ENTPD5: variants seen among roughly 807,000 people sequenced by gnomAD.
The protein encoded by ENTPD5 is nucleoside diphosphate phosphatase ENTPD5.
In ENTPD5, 49 loss-of-function variants were observed where a neutral mutation model predicts 60.2. The ratio of observed to expected loss-of-function variants is 0.81; its 90% CI spans 0.65 to 1.03. The LOEUF is 1.03. Among genes scored for constraint, ENTPD5 ranks in the 50% least tolerant of loss-of-function variants. ENTPD5 has a pLI of 0.00. For missense variants in ENTPD5, 480 were observed against 507.6 expected (o/e 0.95, Z 0.52); for synonymous variants, 187 against 185.4 (o/e 1.01, Z -0.07).
rs1041705540 is a variant in ENTPD5, at chr14:73,964,372, ACT to A, written c.*2554_*2555del. On this transcript the variant is annotated 3_prime_UTR_variant, in exon 16 of 16. Coordinates refer to ENST00000334696, the MANE Select transcript of ENTPD5 (RefSeq NM_001249.5). ...ATGGGCGTTACAGAAAAAAATAAAA[ACT>A]CTCATTCCAAATTGCTCCTAAGATG... 6 of 152,192 alleles carry A rather than the reference ACT, an allele frequency of 3.9e-5. No individual in the cohort carries two copies. The highest frequency in any genetic ancestry group is 3.9e-4 in the East Asian group (2 of 5,182). The allele number at this position is 152,192 out of a possible 1,614,324, so 9.4% of individuals were successfully genotyped here.
intron 3 of ENTPD5, among the ~76,000 whole-genome samples, chr14:73,992,998 A>G (rs902431060): frequency 2.0e-5 from 3 of 152,184 alleles, no homozygotes; most frequent in Non-Finnish European, 2.9e-5. Flanking sequence ...GTGAGATTCT[A>G]TCTCAAAATA....
At chr14:73,970,291 A>G (rs371472476) in intron 14 of ENTPD5, among the ~76,000 whole-genome samples, 166 bp from the exon 15 acceptor site, 1 of 152,172 alleles carries the variant, frequency 6.6e-6, no homozygotes, top group African/African-American at 2.4e-5. Flanking sequence ...CAGGAGTTTG[A>G]GATCAGCCTG....
At chr14:73,983,458 AC>A (rs2057773664) in intron 5 of ENTPD5, among the ~76,000 whole-genome samples, 2 of 151,836 alleles carry the variant, frequency 1.3e-5, no homozygotes, top group Non-Finnish European at 2.9e-5. Flanking sequence ...CCCCATCTCC[AC>A]TAAAAAATAC....
Position 73,966,824 on chromosome 14 carries a change from A to G in ENTPD5, c.*104T>C. ...TAAAATTAATTAAACCTAAATCTCT[A>G]GGCTCAAGTCCAGGATGTCCCCAGA... On this transcript the variant is annotated 3_prime_UTR_variant, in exon 16 of 16. Coordinates refer to ENST00000334696, the MANE Select transcript of ENTPD5 (RefSeq NM_001249.5). The G allele has an allele frequency of 1.2e-6, 1 of 850,610 alleles. No individual in the cohort carries two copies. The highest frequency in any genetic ancestry group is 1.7e-5 in the African/African-American group (1 of 58,994). The allele number at this position is 850,610 out of a possible 1,614,324, so 52.7% of individuals were successfully genotyped here.
rs1702299622 is a variant in ENTPD5 at position 74,015,941 on chromosome 14, A to G, written c.-237-11T>C. On this transcript the variant is annotated splice_polypyrimidine_tract_variant and intron_variant, in intron 1 of 15. Coordinates refer to ENST00000334696, the MANE Select transcript of ENTPD5 (RefSeq NM_001249.5). ...CAGGAACAAGGAAAACTGGACAGAA[A>G]AAGAATTACAAAACCAAGTCAACAA... 1.3e-5 allele frequency: 2 copies of G among 152,168 alleles called. No homozygotes were observed. The highest frequency in any genetic ancestry group is 2.9e-5 in the Non-Finnish European group (2 of 68,036). 9.4% of individuals were successfully genotyped at this position (152,168 alleles called of 1,614,324 possible).
At chr14:73,983,996 A>G (rs1210502748) in intron 5 of ENTPD5, among the ~76,000 whole-genome samples, 6 of 151,364 alleles carry the variant, frequency 4.0e-5, no homozygotes, top group Non-Finnish European at 8.8e-5. Flanking sequence ...TGGCCAAATT[A>G]TTCTTTTATA....
chr14:74,017,295 G>A (rs2059045613), intron 1 of ENTPD5, among the ~76,000 whole-genome samples: 1 of 149,190 alleles, frequency 6.7e-6, no homozygotes, highest in Non-Finnish European at 1.5e-5. Context: ...TCCAGCCTGG[G>A]AAACAAGAGC....
At chr14:73,955,520 A>G (rs1336704071), downstream of ENTPD5, 4 of 1,613,202 alleles carry the variant, frequency 2.5e-6, no homozygotes, top group Non-Finnish European at 3.4e-6. Flanking sequence ...GTGCCCCTTT[A>G]TCTTTTCAAT....
At chr14:73,975,738 C>T (rs548165453) in intron 10 of ENTPD5, among the ~76,000 whole-genome samples, 198 bp downstream of exon 10, 1 of 152,092 alleles carries the variant, frequency 6.6e-6, no homozygotes, top group Non-Finnish European at 1.5e-5. Context: ...TATATTAATG[C>T]TTTTGAGGCC....
At chr14:73,991,118 T>C (rs1336565618) in intron 3 of ENTPD5, among the ~76,000 whole-genome samples, 2 of 152,140 alleles carry the variant, frequency 1.3e-5, no homozygotes, top group East Asian at 3.8e-4. Context: ...GCAACTTTTT[T>C]CCCCCTCTTT....
chr14:74,006,504 C>T (rs561813262), intron 3 of ENTPD5, among the ~76,000 whole-genome samples: 34 of 151,320 alleles, frequency 2.2e-4, no homozygotes, highest in African/African-American at 7.8e-4. Context: ...AGGATGGTCT[C>T]GATCTCCTGA....
At chr14:73,983,266 T>C (rs1201897278) in intron 5 of ENTPD5, 105 bp from the exon 6 acceptor site, 3 of 1,231,028 alleles carry the variant, frequency 2.4e-6, no homozygotes, top group Non-Finnish European at 3.3e-6. Flanking sequence ...GGAGGTGGCA[T>C]AGGGCTCCAA....
At chr14:73,959,889 A>T, downstream of ENTPD5, 1 of 1,222,394 alleles carries the variant, frequency 8.2e-7, no homozygotes, top group Non-Finnish European at 1.0e-6. Flanking sequence ...GTTTTGAGTC[A>T]GGAAAAAGGA....
rs1011312028 is a variant in ENTPD5 at position 73,988,191 on chromosome 14, A to C, written c.-70-19T>G. ...GCAGAGGCTTATAGGACAAAGACAC[A>C]CAAGTTAGACCAACTAGCTTTTTTA... On this transcript the variant is annotated intron_variant, in intron 3 of 15. Coordinates refer to ENST00000334696, the MANE Select transcript of ENTPD5 (RefSeq NM_001249.5). 1.8e-4 allele frequency: 264 copies of C among 1,487,264 alleles called. No homozygotes were observed. Among genetic ancestry groups the C allele is most frequent in the Non-Finnish European group, 2.2e-4 (251 of 1,117,944 alleles). 92.1% of individuals were successfully genotyped at this position (1,487,264 alleles called of 1,614,324 possible).
intron 3 of ENTPD5, chr14:74,008,869 T>C (rs962950044): frequency 1.3e-5 from 2 of 152,206 alleles, no homozygotes; most frequent in African/African-American, 2.4e-5. Flanking sequence ...ATTCAAATAC[T>C]GTAACTGCCA....
At chr14:73,960,801 T>C (rs1265807640), downstream of ENTPD5, 3 of 373,890 alleles carry the variant, frequency 8.0e-6, no homozygotes, top group East Asian at 6.9e-5. Flanking sequence ...GTCTTCTGGA[T>C]GCTCTGAGAT....
In ENTPD5 at chr14:73,977,331, C is replaced by A. The variant is rs1255387974; in HGVS notation, c.485G>T (p.Gly162Val). 2 of 1,612,382 alleles carry A rather than the reference C, an allele frequency of 1.2e-6. No homozygotes were observed. Among genetic ancestry groups the A allele is most frequent in the Non-Finnish European group, 1.7e-6 (2 of 1,179,470 alleles). ...GGATCCATCCATGATGCTAACACTG[C>A]CCTTTGGTACCAGGAAAGGTGACTT... ...FRKSPFLVPK[G>V]SVSIMDGSDE... The change falls in exon 7 of 16, where the codon GGC (glycine) becomes GTC (valine). Residue 162 changes from glycine (G) to valine (V), a missense_variant. Transcript: ENST00000334696.
At chr14:73,969,738 T>TAAAC (rs1566708794) in intron 15 of ENTPD5, among the ~76,000 whole-genome samples, 1 of 151,662 alleles carries the variant, frequency 6.6e-6, no homozygotes, top group African/African-American at 2.4e-5. Flanking sequence ...AATAAATAAA[T>TAAAC]AAACCATGTG....
At chr14:73,970,666 T>C (rs2057184233) in intron 14 of ENTPD5, among the ~76,000 whole-genome samples, 1 of 152,170 alleles carries the variant, frequency 6.6e-6, no homozygotes, top group Admixed American at 6.5e-5. Flanking sequence ...GGCTCTAGTT[T>C]ATTTGCTAAG....
Sources: allele counts gnomAD v4.1 joint callset (sites outside exome capture counted in the v4.1 genomes callset), GRCh38; gene constraint gnomAD v4.1.1; transcripts MANE v1.5; gene names NCBI Gene and HGNC (gene_info 2026-07-23, HGNC 2026-07-21).